The following DLG2 variants were observed in gnomAD, a reference collection of about 807,000 sequenced individuals.
The protein encoded by DLG2 is disks large homolog 2.
In DLG2, 45 loss-of-function variants were observed where a neutral mutation model predicts 132.5. The observed-to-expected ratio is 0.34, with a 90% CI of 0.27 to 0.44. The LOEUF is 0.44. Ranked by LOEUF, DLG2 falls within the 20% of genes least tolerant of loss-of-function variation. The pLI, the probability that DLG2 is intolerant of heterozygous loss-of-function variation, is 1.00. For missense variants in DLG2, 1,045 were observed against 1,196.9 expected (o/e 0.87, Z 1.87); for synonymous variants, 424 against 419.6 (o/e 1.01, Z -0.13).
chr11:83,876,985 G>A (rs1475512370), intron 15 of DLG2, among the ~76,000 whole-genome samples: 1 of 152,040 alleles, frequency 6.6e-6, no homozygotes, highest in African/African-American at 2.4e-5. Flanking sequence ...ATTATAAACA[G>A]TGCTGCAATG....
intron 3 of DLG2, among the ~76,000 whole-genome samples, chr11:85,434,852 G>A (rs2091390962): frequency 6.6e-6 from 1 of 152,062 alleles, no homozygotes; most frequent in Admixed American, 6.5e-5. Context: ...ACCAAAAATT[G>A]GCAGAGACAC....
chr11:84,375,727 GC>G (rs1448307260), intron 7 of DLG2, among the ~76,000 whole-genome samples: 1 of 151,696 alleles, frequency 6.6e-6, no homozygotes, highest in East Asian at 1.9e-4. Context: ...TGTTATTGAG[GC>G]TAGATCCTTG....
At chr11:83,838,373 G>C (rs1398564416) in intron 16 of DLG2, among the ~76,000 whole-genome samples, 1 of 152,146 alleles carries the variant, frequency 6.6e-6, no homozygotes, top group Non-Finnish European at 1.5e-5. Context: ...TAAATAACCT[G>C]ATGAAGAAAT....
At chr11:83,639,208 G>C (rs1455412243) in intron 18 of DLG2, among the ~76,000 whole-genome samples, 4 of 152,214 alleles carry the variant, frequency 2.6e-5, no homozygotes, top group African/African-American at 4.8e-5. Context: ...TTTCCCAAGT[G>C]AGATGGTGGG....
intron 3 of DLG2, among the ~76,000 whole-genome samples, chr11:85,422,206 G>A (rs1050400978): frequency 6.6e-6 from 1 of 152,140 alleles, no homozygotes; most frequent in Admixed American, 6.5e-5. Flanking sequence ...AATTCTTTGT[G>A]CTTACCTGTA....
chr11:84,248,940 G>A (rs2097337802), intron 8 of DLG2, among the ~76,000 whole-genome samples: 1 of 152,108 alleles, frequency 6.6e-6, no homozygotes, highest in Non-Finnish European at 1.5e-5. Flanking sequence ...TACAAACCTG[G>A]TATTTGGAAG....
At chr11:83,724,522 A>AGAGAGAGAGAGT (rs1593148600) in intron 18 of DLG2, among the ~76,000 whole-genome samples, 1 of 144,430 alleles carries the variant, frequency 6.9e-6, no homozygotes, top group Non-Finnish European at 1.5e-5. Context: ...AGAGAGAGAG[A>AGAGAGAGAGAGT]ATATCAAGAG....
intron 6 of DLG2, among the ~76,000 whole-genome samples, chr11:84,581,360 T>C (rs776763642): frequency 2.0e-5 from 3 of 152,130 alleles, no homozygotes; most frequent in Non-Finnish European, 4.4e-5. Context: ...ATATACTATA[T>C]TTATTTCCTC....
At chr11:85,490,304 T>C (rs1231049918) in intron 3 of DLG2, among the ~76,000 whole-genome samples, 1 of 151,912 alleles carries the variant, frequency 6.6e-6, no homozygotes, top group South Asian at 2.1e-4. Flanking sequence ...ACTATTTTTG[T>C]AGAAAATAGT....
chr11:84,777,505 A>AT lies in DLG2; in HGVS notation c.358-242775dup, dbSNP rs568974245. Among the ~76,000 whole-genome samples, 974 of 151,210 alleles carry AT rather than the reference A, an allele frequency of 6.4e-3. 16 individuals carry two copies. The highest frequency in any genetic ancestry group is 0.023 in the African/African-American group (939 of 41,266). The stretch of plus-strand genomic sequence containing the variant: ...GTATCTAATAGTAGCTGTTTTTTAG[A>AT]TTTTTTTGAGAAAACTCCATACTGT... On this transcript the variant is annotated intron_variant, in intron 6 of 27. Coordinates refer to ENST00000376104, the MANE Select transcript of DLG2 (RefSeq NM_001142699.3).
chr11:84,897,605 T>A (rs1487675647), intron 6 of DLG2, among the ~76,000 whole-genome samples: 1 of 151,884 alleles, frequency 6.6e-6, no homozygotes, highest in African/African-American at 2.4e-5. Flanking sequence ...AGCATTCTAC[T>A]GAAGATACTC....
At chr11:84,487,297 C>G (rs573163455) in intron 7 of DLG2, among the ~76,000 whole-genome samples, 1 of 152,096 alleles carries the variant, frequency 6.6e-6, no homozygotes, top group African/African-American at 2.4e-5. Flanking sequence ...ATAAAATTAT[C>G]ATTAATGTAA....
intron 6 of DLG2, among the ~76,000 whole-genome samples, chr11:84,596,386 T>C (rs1003397898): frequency 3.3e-5 from 5 of 150,854 alleles, no homozygotes; most frequent in African/African-American, 1.2e-4. Context: ...TTTCTTTTTT[T>C]TTTTTTTTTT....
chr11:84,529,160 A>G (rs1175998470), intron 7 of DLG2, among the ~76,000 whole-genome samples: 3 of 152,182 alleles, frequency 2.0e-5, no homozygotes, highest in Admixed American at 6.5e-5. Context: ...ATCTAAAAGC[A>G]TATCTTGAGC....
intron 15 of DLG2, among the ~76,000 whole-genome samples, chr11:83,880,098 G>A (rs962306121): frequency 3.9e-5 from 6 of 152,132 alleles, no homozygotes; most frequent in African/African-American, 1.4e-4. Flanking sequence ...CCAGGGGTAA[G>A]GTCAGGAAGC....
intron 7 of DLG2, among the ~76,000 whole-genome samples, chr11:84,329,366 G>C (rs1356192034): frequency 6.6e-6 from 1 of 152,120 alleles, no homozygotes; most frequent in Non-Finnish European, 1.5e-5. Flanking sequence ...ACATGTCGTG[G>C]GAGGGACCTG....
intron 6 of DLG2, among the ~76,000 whole-genome samples, chr11:84,812,594 A>G (rs1007756826): frequency 3.9e-5 from 6 of 152,132 alleles, no homozygotes; most frequent in African/African-American, 1.4e-4. Context: ...TTCCATAGCA[A>G]CGTAGGAATC....
chr11:85,564,918 T>G (rs2077445518), intron 3 of DLG2, among the ~76,000 whole-genome samples: 1 of 152,090 alleles, frequency 6.6e-6, no homozygotes, highest in Non-Finnish European at 1.5e-5. Flanking sequence ...TAATTTCTGA[T>G]AGCAAAGTTT....
chr11:84,673,249 T>C (rs2099707843), intron 6 of DLG2, among the ~76,000 whole-genome samples: 1 of 152,102 alleles, frequency 6.6e-6, no homozygotes, highest in Non-Finnish European at 1.5e-5. Context: ...TTCCTCTAAA[T>C]GTATTTTACA....
Sources: allele counts gnomAD v4.1 joint callset (sites outside exome capture counted in the v4.1 genomes callset), GRCh38; gene constraint gnomAD v4.1.1; transcripts MANE v1.5; gene names NCBI Gene and HGNC (gene_info 2026-07-23, HGNC 2026-07-21).